ANXA2: variants seen among roughly 807,000 people sequenced by gnomAD.
ANXA2 encodes annexin II.
A neutral mutation model predicts 47.3 loss-of-function variants in ANXA2; 28 were observed. The ratio of observed to expected loss-of-function variants is 0.59; its 90% confidence interval spans 0.44 to 0.81. The LOEUF (loss-of-function observed/expected upper bound fraction) is 0.81. Among genes scored for constraint, ANXA2 ranks in the 40% least tolerant of loss-of-function variants. The probability of loss-of-function intolerance (pLI) is 0.00; values close to 1 mark genes in which losing one functional copy is unlikely to be tolerated. For synonymous variants in ANXA2, 172 were observed against 155.5 expected (o/e 1.11, Z -0.79); for missense variants, 384 against 414.3 (o/e 0.93, Z 0.64).
In ANXA2 at chr15:60,352,390, G is replaced by A. The variant is rs755098991; in HGVS notation, c.675C>T (p.Leu225=). The A allele has an allele frequency of 8.6e-5, 138 of 1,612,238 alleles. No homozygotes were observed. The South Asian group carries it at 1.4e-3, about 16-fold the overall frequency. ...SIMTERSVPH[L]QKVFDRYKSY... The stretch of plus-strand genomic sequence containing the variant: ...CCTCAGCACAGTGCCCACCTTTCTG[G>A]AGGTGGGGCACGCTCCGCTCGGTCA... The change falls in exon 9 of 13, where the codon CTC becomes CTT. Residue 225 remains leucine (L), a synonymous_variant. Coordinates refer to ENST00000451270, the MANE Select transcript of ANXA2 (RefSeq NM_004039.3). This position sits in a 1 kb window ranked among gnomAD's most constrained non-coding sequence, Gnocchi z 4.2.
In ANXA2 at chr15:60,351,259, G is replaced by C. The variant is rs750018251; in HGVS notation, c.779-8C>G. Reference sequence around the variant, plus strand: ...TGTTCTGAATGCACTGAACTGTGGAGAGAAGAAAGGGAGTCAGCGCTGCAG... The same window carrying C: ...TGTTCTGAATGCACTGAACTGTGGACAGAAGAAAGGGAGTCAGCGCTGCAG... On this transcript the variant is annotated splice_polypyrimidine_tract_variant and splice_region_variant and intron_variant, in intron 10 of 12. Coordinates refer to ENST00000451270, the MANE Select transcript of ANXA2 (RefSeq NM_004039.3). The C allele has an allele frequency of 1.2e-6, 2 of 1,614,062 alleles. No individual in the cohort carries two copies. The highest frequency in any genetic ancestry group is 2.7e-5 in the African/African-American group (2 of 74,958).
At chr15:60,388,917 C>T (rs2062970043) in intron 1 of ANXA2, among the ~76,000 whole-genome samples, 1 of 8,922 alleles carries the variant, frequency 1.1e-4, no homozygotes, top group Admixed American at 1.7e-3. Flanking sequence ...TTTTTTTTTC[C>T]AGTAGAGATA....
intron 6 of ANXA2, among the ~76,000 whole-genome samples, chr15:60,356,715 C>G (rs1259568767): frequency 6.6e-6 from 1 of 152,186 alleles, no homozygotes; most frequent in Non-Finnish European, 1.5e-5. Flanking sequence ...TCATAGCCTT[C>G]TATACTGCTA....
At chr15:60,390,480 G>A (rs975934161) in intron 1 of ANXA2, 17 of 508,308 alleles carry the variant, frequency 3.3e-5, no homozygotes, top group Non-Finnish European at 5.5e-5. Flanking sequence ...GGAAAGCGGC[G>A]TTATGACAAG....
intron 3 of ANXA2, among the ~76,000 whole-genome samples, chr15:60,373,706 G>A (rs2062739970): frequency 6.6e-6 from 1 of 152,134 alleles, no homozygotes; most frequent in Admixed American, 6.6e-5. Context: ...CTCTTCCTAG[G>A]CCTAGGTATC....
intron 12 of ANXA2, among the ~76,000 whole-genome samples, chr15:60,348,745 C>CAAAAA (rs35692360): frequency 8.3e-6 from 1 of 119,832 alleles, no homozygotes; most frequent in Admixed American, 8.2e-5. Context: ...GACTCCGTCT[C>CAAAAA]AAAAAAAAAA....
intron 6 of ANXA2, among the ~76,000 whole-genome samples, chr15:60,356,691 AT>A (rs1414452567): frequency 6.6e-6 from 1 of 152,200 alleles, no homozygotes; most frequent in African/African-American, 2.4e-5. Context: ...TGTAAGTTGC[AT>A]TGTTTATTCC....
intron 1 of ANXA2, chr15:60,390,380 A>G (rs2062992422): frequency 2.8e-6 from 2 of 714,272 alleles, no homozygotes; most frequent in Admixed American, 2.4e-5. Context: ...CATGGTGAAC[A>G]TTCCTAAAAC....
intron 3 of ANXA2, among the ~76,000 whole-genome samples, chr15:60,373,270 C>A (rs1445438545): frequency 6.6e-6 from 1 of 152,086 alleles, no homozygotes; most frequent in East Asian, 1.9e-4. Context: ...TAATGCATGG[C>A]CACTAAAGGG....
chr15:60,351,692 G>T, intron 10 of ANXA2, 32 bp downstream of exon 10: 1 of 1,386,254 alleles, frequency 7.2e-7, no homozygotes, highest in Non-Finnish European at 1.0e-6. Context: ...GGTAGCTGAT[G>T]TCTACCAGGA....
chr15:60,374,680 C>T (rs528645951), intron 3 of ANXA2: 1 of 456,098 alleles, frequency 2.2e-6, no homozygotes, highest in African/African-American at 2.0e-5. Flanking sequence ...TCAGGTCTGG[C>T]ACCTACATAG....
intron 1 of ANXA2, chr15:60,396,460 G>T (rs1039589021): frequency 6.6e-6 from 1 of 151,926 alleles, no homozygotes; most frequent in Admixed American, 6.6e-5. Context: ...AAAGAAAGTG[G>T]AACAGGGGCA....
chr15:60,377,553 TAA>T (rs1325683495), intron 3 of ANXA2, among the ~76,000 whole-genome samples: 1 of 152,198 alleles, frequency 6.6e-6, no homozygotes, highest in Non-Finnish European at 1.5e-5. Flanking sequence ...CCAATGCATA[TAA>T]AAGTGTGATT....
intron 3 of ANXA2, among the ~76,000 whole-genome samples, chr15:60,368,658 T>C (rs2062671699): frequency 6.6e-6 from 1 of 152,236 alleles, no homozygotes; most frequent in African/African-American, 2.4e-5. Context: ...TAGAAGTCTC[T>C]ATATCAAAAT....
At chr15:60,354,740 C>A (rs958870664) in intron 7 of ANXA2, among the ~76,000 whole-genome samples, 104 of 152,226 alleles carry the variant, frequency 6.8e-4, no homozygotes, top group African/African-American at 2.3e-3. Context: ...AACAATCCCC[C>A]CCTTGATACC....
At chr15:60,383,891 G>C (rs902887880) in intron 2 of ANXA2, 4 of 152,220 alleles carry the variant, frequency 2.6e-5, no homozygotes, top group African/African-American at 7.2e-5. Context: ...CTGTATAGGT[G>C]AGCATCTAAG....
In ANXA2 at chr15:60,355,964, C is replaced by T. The variant is rs760126181; in HGVS notation, c.483G>A (p.Ser161=). Reference sequence around the variant, plus strand: ...GCTTGCGGAAGTCACCAGATGTGTCCGAAATAATGTCCTTCTCCAGATCAG... The same window carrying T: ...GCTTGCGGAAGTCACCAGATGTGTCTGAAATAATGTCCTTCTCCAGATCAG... ...YKTDLEKDII[S]DTSGDFRKLM... The change falls in exon 7 of 13, where the codon TCG becomes TCA. Residue 161 remains serine, a synonymous_variant. Coordinates refer to ENST00000451270, the MANE Select transcript of ANXA2 (RefSeq NM_004039.3). 1.3e-4 allele frequency: 202 copies of T among 1,613,892 alleles called. No homozygotes were observed. The highest frequency in any genetic ancestry group is 1.7e-4 in the Non-Finnish European group (195 of 1,179,964).
chr15:60,356,525 G>C (rs1227285988), intron 6 of ANXA2, among the ~76,000 whole-genome samples: 1 of 151,996 alleles, frequency 6.6e-6, no homozygotes, highest in Non-Finnish European at 1.5e-5. Context: ...CAAAAAAAAA[G>C]ATAAATGTGT....
intron 5 of ANXA2, 70 bp from the exon 6 acceptor site, chr15:60,357,306 C>T: frequency 1.5e-6 from 2 of 1,319,924 alleles, no homozygotes; most frequent in Non-Finnish European, 2.2e-6. Context: ...CTCTGATCTC[C>T]ATCAAGTAAA....
Sources: gnomAD v4.1 joint callset for allele counts (sites outside exome capture counted in the v4.1 genomes callset) on GRCh38, gnomAD v4.1.1 for gene constraint, Gnocchi (gnomAD v3.1) non-coding constraint, MANE v1.5 for transcripts, NCBI Gene and HGNC (gene_info 2026-07-23, HGNC 2026-07-21) for gene names.